Variants in GFRA1 observed in about 807,000 individuals in gnomAD.
The protein encoded by GFRA1 is GDNF family receptor alpha-1.
GFRA1 carries 16 observed loss-of-function variants against 51.6 expected under a neutral mutation model. The ratio of observed to expected loss-of-function variants is 0.31; its 90% CI spans 0.21 to 0.47. GFRA1 has a LOEUF of 0.47. Ranked by LOEUF, GFRA1 falls within the 20% of genes least tolerant of loss-of-function variation. The pLI is 1.00. For missense variants in GFRA1, 530 were observed against 594.3 expected (o/e 0.89, Z 1.13); for synonymous variants, 270 against 241.3 (o/e 1.12, Z -1.10).
chr10:116,143,808 T>C (rs544652162), intron 5 of GFRA1, among the ~76,000 whole-genome samples: 4 of 152,266 alleles, frequency 2.6e-5, no homozygotes, highest in Admixed American at 2.6e-4. Flanking sequence ...TCAGTGACCT[T>C]AGAAGGGGGC....
chr10:116,257,770 C>T (rs1434076500), intron 4 of GFRA1, among the ~76,000 whole-genome samples: 1 of 150,818 alleles, frequency 6.6e-6, no homozygotes, highest in East Asian at 1.9e-4. Context: ...TTCAGCAATG[C>T]TGAGACAAAT....
At chr10:116,074,573 C>G (rs2099472440) in intron 9 of GFRA1, among the ~76,000 whole-genome samples, 2 of 152,170 alleles carry the variant, frequency 1.3e-5, no homozygotes, top group Non-Finnish European at 2.9e-5. Context: ...GGTTTCTGCT[C>G]CTCCAAGATG....
chr10:116,254,421 C>T (rs1385112167), intron 4 of GFRA1, among the ~76,000 whole-genome samples: 1 of 151,262 alleles, frequency 6.6e-6, no homozygotes, highest in Non-Finnish European at 1.5e-5. Context: ...CCTATAATCC[C>T]AACACTTTGA....
intron 6 of GFRA1, among the ~76,000 whole-genome samples, chr10:116,107,249 G>A (rs987299314): frequency 6.6e-6 from 1 of 152,114 alleles, no homozygotes; most frequent in Non-Finnish European, 1.5e-5. Flanking sequence ...GATTCCTAGA[G>A]GAACAGTACC....
chr10:116,266,795 C>G (rs938777843), intron 4 of GFRA1, among the ~76,000 whole-genome samples: 1 of 152,188 alleles, frequency 6.6e-6, no homozygotes, highest in Admixed American at 6.5e-5. Flanking sequence ...CTGAGAATGA[C>G]CATGCCTCCT....
At chr10:116,241,567 T>C (rs976785816) in intron 4 of GFRA1, among the ~76,000 whole-genome samples, 2 of 152,092 alleles carry the variant, frequency 1.3e-5, no homozygotes, top group African/African-American at 4.8e-5. Flanking sequence ...AGTTTGGGAA[T>C]GGAAATAAAA....
At chr10:116,064,974 A>G (rs1349668322) in intron 10 of GFRA1, among the ~76,000 whole-genome samples, 1 of 152,106 alleles carries the variant, frequency 6.6e-6, no homozygotes, top group Non-Finnish European at 1.5e-5. Flanking sequence ...AGAGAGCAAG[A>G]GCTTGCCCTG....
intron 9 of GFRA1, among the ~76,000 whole-genome samples, chr10:116,075,982 G>C (rs1470562084): frequency 1.3e-5 from 2 of 151,946 alleles, no homozygotes; most frequent in Non-Finnish European, 2.9e-5. Context: ...CTGAACTCGT[G>C]ATCCACCCAC....
intron 8 of GFRA1, among the ~76,000 whole-genome samples, chr10:116,090,275 T>C (rs988998038): frequency 6.6e-6 from 1 of 152,082 alleles, no homozygotes; most frequent in African/African-American, 2.4e-5. Context: ...CTTGGGATCA[T>C]AACTGTCCCA....
At chr10:116,269,610 C>T (rs774322495) in intron 3 of GFRA1, 24 bp from the exon 4 acceptor site, 1 of 1,384,032 alleles carries the variant, frequency 7.2e-7, no homozygotes, top group South Asian at 1.2e-5. Flanking sequence ...AAAGATTGGG[C>T]TCAGATCAGA....
chr10:116,176,291 C>T (rs976395234), intron 5 of GFRA1, among the ~76,000 whole-genome samples: 2 of 152,212 alleles, frequency 1.3e-5, no homozygotes, highest in Admixed American at 1.3e-4. Flanking sequence ...GGCATCCACT[C>T]ATTCCTCTCT....
At chr10:116,268,817 T>G (rs536404118) in intron 4 of GFRA1, among the ~76,000 whole-genome samples, 1 of 152,232 alleles carries the variant, frequency 6.6e-6, no homozygotes, top group African/African-American at 2.4e-5. Context: ...GCTGTCTGAA[T>G]GCAGATGTTA....
chr10:116,084,115 C>G (rs915638682), intron 9 of GFRA1, among the ~76,000 whole-genome samples: 1 of 152,168 alleles, frequency 6.6e-6, no homozygotes, highest in Non-Finnish European at 1.5e-5. Flanking sequence ...GAGGGGCCCA[C>G]GGTGTCTCTA....
At chr10:116,126,392 C>T (rs377017402) in intron 5 of GFRA1, among the ~76,000 whole-genome samples, 4 of 152,238 alleles carry the variant, frequency 2.6e-5, no homozygotes, top group South Asian at 2.1e-4. Context: ...CTGTCCACAC[C>T]GCCTGCCCTC....
chr10:116,127,987 A>G (rs1190897646), intron 5 of GFRA1, among the ~76,000 whole-genome samples: 1 of 152,230 alleles, frequency 6.6e-6, no homozygotes, highest in Non-Finnish European at 1.5e-5. Context: ...TAAAAGGGAA[A>G]GAACAGAGAC....
At chr10:116,179,883 T>C (rs545954147) in intron 5 of GFRA1, among the ~76,000 whole-genome samples, 27 of 152,254 alleles carry the variant, frequency 1.8e-4, no homozygotes, top group African/African-American at 6.5e-4. Flanking sequence ...GTGCAAATTC[T>C]AGAGTTTCCA....
intron 5 of GFRA1, among the ~76,000 whole-genome samples, chr10:116,197,840 G>C (rs144880103): frequency 1.3e-5 from 2 of 152,140 alleles, no homozygotes; most frequent in Non-Finnish European, 2.9e-5. Context: ...AGCTACAGGC[G>C]GATTATTCCG....
At chr10:116,207,224 T>C (rs1471561792) in intron 5 of GFRA1, among the ~76,000 whole-genome samples, 4 of 150,946 alleles carry the variant, frequency 2.6e-5, no homozygotes, top group Non-Finnish European at 5.9e-5. Flanking sequence ...AAACTCCCCC[T>C]GCAAAGGTCG....
intron 4 of GFRA1, among the ~76,000 whole-genome samples, chr10:116,229,139 C>G (rs1966522725): frequency 6.6e-6 from 1 of 151,974 alleles, no homozygotes; most frequent in African/African-American, 2.4e-5. Context: ...CTCTGGCCTA[C>G]AGAACTATAC....
Sources: allele counts gnomAD v4.1 joint callset (sites outside exome capture counted in the v4.1 genomes callset), GRCh38; gene constraint gnomAD v4.1.1; transcripts MANE v1.5; gene names NCBI Gene and HGNC (gene_info 2026-07-23, HGNC 2026-07-21).